BNC2: variants seen among roughly 807,000 people sequenced by gnomAD.
The protein encoded by BNC2 is basonuclin zinc finger protein 2.
A neutral mutation model predicts 76.3 loss-of-function variants in BNC2; 20 were observed. That is an observed-to-expected ratio of 0.26 (90% CI 0.18 to 0.38). BNC2 has a LOEUF of 0.38. Among genes scored for constraint, BNC2 ranks in the 10% least tolerant of loss-of-function variants. The pLI is 1.00. For synonymous variants in BNC2, 582 were observed against 514.8 expected (o/e 1.13, Z -1.77); for missense variants, 1,382 against 1,399.8 (o/e 0.99, Z 0.20).
At chr9:16,850,027 C>A (rs536398646) in intron 1 of BNC2, among the ~76,000 whole-genome samples, 93 of 152,242 alleles carry the variant, frequency 6.1e-4, no homozygotes, top group African/African-American at 2.2e-3. Flanking sequence ...ATTTGCTCAA[C>A]TAAAAAAACA....
intron 2 of BNC2, among the ~76,000 whole-genome samples, chr9:16,733,119 G>C (rs575078833): frequency 3.3e-5 from 5 of 152,120 alleles, no homozygotes; most frequent in African/African-American, 9.7e-5. Flanking sequence ...TCACAGAAGT[G>C]GGGGAACCAA....
At chr9:16,553,860 C>A (rs1230808031) in intron 4 of BNC2, among the ~76,000 whole-genome samples, 1 of 152,144 alleles carries the variant, frequency 6.6e-6, no homozygotes, top group Non-Finnish European at 1.5e-5. Flanking sequence ...ATCTGTAGGG[C>A]TTAAAGAGAT....
chr9:16,786,959 T>C (rs976680346), intron 1 of BNC2, among the ~76,000 whole-genome samples: 1 of 152,116 alleles, frequency 6.6e-6, no homozygotes, highest in Non-Finnish European at 1.5e-5. Context: ...GATCTGACAA[T>C]CAGTGATTAA....
chr9:16,724,335 TA>T lies in BNC2; in HGVS notation c.330+3461del, dbSNP rs952318302. Among the ~76,000 whole-genome samples the T allele has an allele frequency of 1.1e-4, 17 of 149,084 alleles. No homozygotes were observed. The East Asian group carries it at 1.6e-3, about 14-fold the overall frequency. On this transcript the variant is annotated intron_variant, in intron 3 of 6. Transcript: ENST00000380672. The stretch of plus-strand genomic sequence containing the variant: ...GAAGAATTGCCTCCTCAAGTGTGAT[TA>T]AAAAAAAAACTTTGAAAAGCAAGCC...
intron 6 of BNC2, among the ~76,000 whole-genome samples, chr9:16,427,545 C>T (rs1820826033): frequency 6.6e-6 from 1 of 152,240 alleles, no homozygotes; most frequent in Non-Finnish European, 1.5e-5. Context: ...TTGCCAACTG[C>T]TTCGTGTCTA....
At position 16,411,382 on chromosome 9, in the gene BNC2, C is replaced by T. The variant is rs1467220040; in HGVS notation, c.*7607G>A. On this transcript the variant is annotated 3_prime_UTR_variant, in exon 7 of 7. Transcript: ENST00000380672. ...TTTTCTTAAAATACTTCTTTCTGCT[C>T]TTCCTTCCCTTCAAAGATTCTTTTT... is the stretch of plus-strand genomic sequence containing the variant. The T allele has an allele frequency of 6.6e-6, 1 of 152,538 alleles. No homozygotes were observed. The allele number at this position is 152,538 out of a possible 1,614,324, so 9.4% of individuals were successfully genotyped here.
At chr9:16,480,326 T>C (rs769873097) in intron 5 of BNC2, among the ~76,000 whole-genome samples, 4 of 152,206 alleles carry the variant, frequency 2.6e-5, no homozygotes, top group Admixed American at 6.5e-5. Flanking sequence ...TACCATCCCA[T>C]TGAGAGGTGA....
At chr9:16,451,433 A>G (rs1821337527) in intron 5 of BNC2, among the ~76,000 whole-genome samples, 1 of 152,196 alleles carries the variant, frequency 6.6e-6, no homozygotes, top group African/African-American at 2.4e-5. Flanking sequence ...CCTTCTTAGC[A>G]AACCTTTCAT....
intron 5 of BNC2, among the ~76,000 whole-genome samples, chr9:16,478,151 A>C (rs1182269002): frequency 6.6e-6 from 1 of 152,114 alleles, no homozygotes; most frequent in Non-Finnish European, 1.5e-5. Context: ...GCCTTCGTAT[A>C]AATTTCGGTC....
At chr9:16,434,876 CATT>C (rs1382042222) in intron 6 of BNC2, 11 of 460,508 alleles carry the variant, frequency 2.4e-5, no homozygotes, top group Non-Finnish European at 4.8e-5. Flanking sequence ...TGCTCAAAGA[CATT>C]ATGAAGTTAA....
chr9:16,635,877 A>C (rs1012433143), intron 3 of BNC2, among the ~76,000 whole-genome samples: 1 of 152,178 alleles, frequency 6.6e-6, no homozygotes, highest in African/African-American at 2.4e-5. Context: ...AATACATCCC[A>C]CACTCCATAT....
At chr9:16,517,974 T>G (rs1817489210) in intron 5 of BNC2, among the ~76,000 whole-genome samples, 2 of 152,080 alleles carry the variant, frequency 1.3e-5, no homozygotes, top group Admixed American at 6.5e-5. Flanking sequence ...CCCTTAAAAC[T>G]TACTGGTCTC....
intron 5 of BNC2, among the ~76,000 whole-genome samples, chr9:16,539,735 A>AAAGGAAAGGG (rs1563830904): frequency 1.3e-4 from 14 of 105,870 alleles, no homozygotes; most frequent in African/African-American, 4.9e-4. Context: ...GAAAAGAGGG[A>AAAGGAAAGGG]AAGGGAAGGG....
At chr9:16,765,062 CT>C (rs1825654483) in intron 1 of BNC2, among the ~76,000 whole-genome samples, 1 of 152,128 alleles carries the variant, frequency 6.6e-6, no homozygotes, top group Non-Finnish European at 1.5e-5. Flanking sequence ...GAAGTAACAA[CT>C]CTTTAGAGTC....
At chr9:16,484,010 C>T (rs1328231219) in intron 5 of BNC2, among the ~76,000 whole-genome samples, 2 of 152,194 alleles carry the variant, frequency 1.3e-5, no homozygotes, top group Non-Finnish European at 2.9e-5. Flanking sequence ...TCCAAATCCC[C>T]TGCCAACTCT....
chr9:16,622,361 T>C lies in BNC2; in HGVS notation c.331-39276A>G, dbSNP rs148669378. Among the ~76,000 whole-genome samples the C allele has an allele frequency of 4.1e-3, 629 of 152,288 alleles. 1 individual carries two copies. The highest frequency in any genetic ancestry group is 0.014 in the African/African-American group (576 of 41,568). On this transcript the variant is annotated intron_variant, in intron 3 of 6. Transcript: ENST00000380672. ...AAAATTTTTCAGGATTTGTGTAATA[T>C]TTTTAATGTAGACAAACTTACTAAT...
intron 1 of BNC2, among the ~76,000 whole-genome samples, chr9:16,827,936 T>C (rs917861506): frequency 6.6e-6 from 1 of 152,242 alleles, no homozygotes; most frequent in African/African-American, 2.4e-5. Context: ...GTCTGTATTC[T>C]TCATAAAGTG....
intron 1 of BNC2, among the ~76,000 whole-genome samples, chr9:16,805,351 G>C (rs2135789811): frequency 1.3e-5 from 2 of 151,824 alleles, no homozygotes; most frequent in East Asian, 3.9e-4. Context: ...TTTGAGACAG[G>C]GTTTAGCTCT....
chr9:16,542,969 T>C (rs1274888308), intron 5 of BNC2, among the ~76,000 whole-genome samples: 1 of 152,210 alleles, frequency 6.6e-6, no homozygotes, highest in Non-Finnish European at 1.5e-5. Context: ...AGTTTTCTCA[T>C]GACTCTTCAT....
Sources: allele counts gnomAD v4.1 joint callset (sites outside exome capture counted in the v4.1 genomes callset), GRCh38; gene constraint gnomAD v4.1.1; transcripts MANE v1.5; gene names NCBI Gene and HGNC (gene_info 2026-07-23, HGNC 2026-07-21).